SNTG1: variants seen among roughly 807,000 people sequenced by gnomAD.
The protein encoded by SNTG1 is syntrophin gamma 1.
A neutral mutation model predicts 74.7 loss-of-function variants in SNTG1; 39 were observed. The ratio of observed to expected loss-of-function variants is 0.52; its 90% CI spans 0.40 to 0.68. The LOEUF (loss-of-function observed/expected upper bound fraction) is 0.68. Ranked by LOEUF, SNTG1 falls within the 30% of genes least tolerant of loss-of-function variation. The pLI is 0.00. For missense variants in SNTG1, 685 were observed against 609.5 expected, an observed-to-expected ratio of 1.12 and a Z score of -1.30; for synonymous variants, 254 against 217.1, an observed-to-expected ratio of 1.17 and a Z score of -1.49.
intron 13 of SNTG1, among the ~76,000 whole-genome samples, chr8:50,644,919 CTTT>C (rs36012475): frequency 4.0e-4 from 54 of 135,686 alleles, no homozygotes; most frequent in Middle Eastern, 7.6e-3. Context: ...TGCCCAGGTG[CTTT>C]TTTTTTTTTT....
chr8:50,707,091 T>C (rs1357885312), intron 16 of SNTG1, among the ~76,000 whole-genome samples: 3 of 152,026 alleles, frequency 2.0e-5, no homozygotes, highest in African/African-American at 7.2e-5. Context: ...AGAACTTGAG[T>C]CTGTATATAA....
At chr8:50,498,061 T>TTA (rs2093919331) in intron 8 of SNTG1, among the ~76,000 whole-genome samples, 1 of 151,956 alleles carries the variant, frequency 6.6e-6, no homozygotes, top group African/African-American at 2.4e-5. Flanking sequence ...AAAATACAGC[T>TTA]GCTATGAATA....
chr8:49,990,473 A>T (rs1456293707), intron 1 of SNTG1, among the ~76,000 whole-genome samples: 1 of 152,026 alleles, frequency 6.6e-6, no homozygotes, highest in Non-Finnish European at 1.5e-5. Flanking sequence ...ATAACCAAAA[A>T]AATCCCCTAA....
chr8:50,101,718 CCCA>C lies in SNTG1; in HGVS notation c.-102-70841_-102-70839del, dbSNP rs1472911029. Among the ~76,000 whole-genome samples the C allele has an allele frequency of 2.6e-5, 4 of 152,042 alleles. No individual in the cohort carries two copies. The East Asian group carries it at 7.8e-4, about 30-fold the overall frequency. On this transcript the variant is annotated intron_variant, in intron 1 of 18. Transcript: ENST00000642720. ...TGCTATCCCTCCCCCCTCCTCCCAC[CCCA>C]CAACAGTCCCCAGAGTGTAATGTTC... is the stretch of plus-strand genomic sequence containing the variant.
chr8:50,235,770 A>G (rs776974903), intron 2 of SNTG1, among the ~76,000 whole-genome samples: 6 of 152,184 alleles, frequency 3.9e-5, no homozygotes, highest in African/African-American at 1.4e-4. Context: ...CCCTAAATGC[A>G]TGGGAAGACA....
chr8:50,205,510 C>T (rs2084183808), intron 2 of SNTG1, among the ~76,000 whole-genome samples: 1 of 152,106 alleles, frequency 6.6e-6, no homozygotes, highest in Admixed American at 6.6e-5. Flanking sequence ...AATTTTCTCC[C>T]ATTCTGTAGG....
At chr8:49,956,648 AT>A (rs1340574071) in intron 1 of SNTG1, among the ~76,000 whole-genome samples, 2 of 152,110 alleles carry the variant, frequency 1.3e-5, no homozygotes, top group African/African-American at 2.4e-5. Flanking sequence ...CCTGGATTAT[AT>A]TCTCTGCATG....
rs1314403674 is a variant in SNTG1, at chr8:50,076,100, AG to A, written c.-102-96460del. ...ATATCTGTAAAGTGCAATCAAGCGA[AG>A]TGTAGTAAAATGAGGTAAACCTGTG... On this transcript the variant is annotated intron_variant, in intron 1 of 18. Transcript: ENST00000642720. Among the ~76,000 whole-genome samples the A allele has an allele frequency of 6.6e-5, 10 of 152,206 alleles. No individual in the cohort carries two copies. The East Asian group carries it at 1.7e-3, about 26-fold the overall frequency.
rs186557075 is a variant in SNTG1, at chr8:50,002,665, T to C, written c.-103+90434T>C. Among the ~76,000 whole-genome samples the C allele has an allele frequency of 2.7e-3, 409 of 152,248 alleles. 4 individuals carry two copies. Among genetic ancestry groups the C allele is most frequent in the African/African-American group, 9.4e-3 (389 of 41,568 alleles). Reference sequence around the variant, plus strand: ...TTAAGAGATTACACATAACACCTCCTCCAAATCAGGTTGATATGAATGTTG... The same window carrying C: ...TTAAGAGATTACACATAACACCTCCCCCAAATCAGGTTGATATGAATGTTG... On this transcript the variant is annotated intron_variant, in intron 1 of 18. Transcript: ENST00000642720.
rs73577253 is a variant in SNTG1, at chr8:50,237,381, C to T, written c.-28+64746C>T. 9.0e-3 allele frequency among the ~76,000 whole-genome samples: 1,365 copies of T among 152,136 alleles called. 17 individuals are homozygous for T. Among genetic ancestry groups the T allele is most frequent in the African/African-American group, 0.031 (1,290 of 41,536 alleles). Reference sequence around the variant, plus strand: ...GATGTCATGTACATCTATCAGATGCCGTGTGTTAACTTTCTCTCTTTTCAT... The same window carrying T: ...GATGTCATGTACATCTATCAGATGCTGTGTGTTAACTTTCTCTCTTTTCAT... On this transcript the variant is annotated intron_variant, in intron 2 of 18. Transcript: ENST00000642720.
intron 4 of SNTG1, among the ~76,000 whole-genome samples, chr8:50,435,089 A>G (rs1013986443): frequency 6.6e-6 from 1 of 152,136 alleles, no homozygotes; most frequent in African/African-American, 2.4e-5. Context: ...CAGGGATGAT[A>G]GTTATATTTT....
At chr8:50,687,608 A>G (rs2095358304) in intron 15 of SNTG1, among the ~76,000 whole-genome samples, 1 of 152,242 alleles carries the variant, frequency 6.6e-6, no homozygotes, top group Non-Finnish European at 1.5e-5. Context: ...TTTAGGGTAC[A>G]TGTGCACAAC....
chr8:50,693,186 G>T (rs2095389791), intron 15 of SNTG1, among the ~76,000 whole-genome samples: 1 of 152,124 alleles, frequency 6.6e-6, no homozygotes. Context: ...GGAATTCCCT[G>T]ACCCCTTGCA....
chr8:50,707,956 A>C (rs2095449117), intron 16 of SNTG1: 1 of 386,694 alleles, frequency 2.6e-6, no homozygotes, highest in Non-Finnish European at 4.6e-6. Flanking sequence ...TAATCCCAGC[A>C]CTTTGGGAGG....
rs767499949 is a variant in SNTG1, at chr8:50,752,030, G to C, written c.1314G>C (p.Gln438His). 3 of 1,571,760 alleles carry C rather than the reference G, an allele frequency of 1.9e-6. No homozygotes were observed. Among genetic ancestry groups the C allele is most frequent in the Non-Finnish European group, 2.6e-6 (3 of 1,163,294 alleles). Residue 438 changes from glutamine (Q) to histidine (H), a missense_variant, in exon 18 of 19, where the codon CAG becomes CAC. Transcript: ENST00000642720. ...KAVLWRYKFSQLKGSSDDGKS... is the reference protein window; with the variant it reads ...KAVLWRYKFSHLKGSSDDGKS... The stretch of plus-strand genomic sequence containing the variant: ...TCCTTTGGAGGTATAAATTCTCTCA[G>C]CTTAAAGGTTCTTCAGATGATGGCA...
intron 5 of SNTG1, among the ~76,000 whole-genome samples, chr8:50,445,041 A>T (rs1250589168): frequency 6.6e-6 from 1 of 152,212 alleles, no homozygotes; most frequent in East Asian, 1.9e-4. Context: ...ATATTTATTC[A>T]TCACCCTTTT....
intron 2 of SNTG1, among the ~76,000 whole-genome samples, chr8:50,297,882 T>C (rs535473068): frequency 1.1e-3 from 133 of 123,200 alleles, no homozygotes; most frequent in Non-Finnish European, 2.0e-3. Flanking sequence ...ATATGTGGCT[T>C]TTTTTTTTTT....
intron 18 of SNTG1, among the ~76,000 whole-genome samples, chr8:50,778,967 C>A (rs1259298617): frequency 6.6e-6 from 1 of 152,130 alleles, no homozygotes; most frequent in Non-Finnish European, 1.5e-5. Flanking sequence ...GGGAATCTTT[C>A]CCCATTGCCT....
At chr8:49,972,462 A>C (rs761268348) in intron 1 of SNTG1, among the ~76,000 whole-genome samples, 3 of 152,228 alleles carry the variant, frequency 2.0e-5, no homozygotes, top group African/African-American at 7.2e-5. Flanking sequence ...ATGGGCGAGG[A>C]CTTCATGTCT....
Sources: allele counts gnomAD v4.1 joint callset (sites outside exome capture counted in the v4.1 genomes callset), GRCh38; gene constraint gnomAD v4.1.1; transcripts MANE v1.5; gene names NCBI Gene and HGNC (gene_info 2026-07-23, HGNC 2026-07-21).